WDR26: variants seen among roughly 807,000 people sequenced by gnomAD.
WDR26 encodes the protein WD repeat domain 26.
Under a neutral mutation model 84.1 loss-of-function variants are expected in WDR26, and 5 were observed. The observed-to-expected ratio is 0.06, with a 90% CI of 0.03 to 0.13. The LOEUF is 0.13. WDR26 is among the 10% of genes least tolerant of loss of function. The probability of loss-of-function intolerance (pLI) is 1.00; values close to 1 mark genes in which losing one functional copy is unlikely to be tolerated. For synonymous variants in WDR26, 415 were observed against 389.6 expected (o/e 1.07, Z -0.77); for missense variants, 642 against 974.9 (o/e 0.66, Z 4.55).
chr1:224,390,471 T>C (rs2102883233), intron 13 of WDR26, among the ~76,000 whole-genome samples: 1 of 152,294 alleles, frequency 6.6e-6, no homozygotes, highest in South Asian at 2.1e-4. Flanking sequence ...GCAGAATAGA[T>C]AAATTTTTAT....
chr1:224,391,743 G>A (rs546827587), intron 13 of WDR26, among the ~76,000 whole-genome samples: 14 of 151,984 alleles, frequency 9.2e-5, no homozygotes, highest in African/African-American at 2.4e-4. Context: ...TATATTTTTC[G>A]TAAGTTCTAT....
At chr1:224,401,671 C>CAAAAAAAAAAAAAAAAAGAAAAAAAAA (rs1673417301) in intron 8 of WDR26, among the ~76,000 whole-genome samples, 31 of 49,646 alleles carry the variant, frequency 6.2e-4, no homozygotes, top group East Asian at 1.1e-3. Flanking sequence ...GAGACTGTCT[C>CAAAAAAAAAAAAAAAAAGAAAAAAAAA]AAAAAAAAAA....
intron 5 of WDR26, 103 bp from the exon 6 acceptor site, chr1:224,418,519 T>C (rs547460318): frequency 4.5e-6 from 5 of 1,105,020 alleles, no homozygotes; most frequent in East Asian, 5.3e-5. Flanking sequence ...ACCCCAATAG[T>C]ATCTATTCCT....
chr1:224,397,937 G>A, intron 12 of WDR26, 160 bp downstream of exon 12: 1 of 811,980 alleles, frequency 1.2e-6, no homozygotes, highest in Non-Finnish European at 1.9e-6. Flanking sequence ...TGATAATACA[G>A]GGGCTTAGGT....
rs750016735 is a variant in WDR26, at chr1:224,385,563, G to A, written c.*4272C>T. ...TTATTACATACCAAAAGCTCTAAGT[G>A]TTAACTAGTTCCACCACAATGCCAT... On this transcript the variant is annotated 3_prime_UTR_variant, in exon 14 of 14. Transcript: ENST00000414423. 1 of 152,628 alleles carries A rather than the reference G, an allele frequency of 6.6e-6. No individual in the cohort carries two copies. The highest frequency in any genetic ancestry group is 1.5e-5 in the Non-Finnish European group (1 of 68,034). 9.5% of individuals were successfully genotyped at this position (152,628 alleles called of 1,614,324 possible). A position where few individuals can be genotyped will look rare whatever the true frequency, so the allele number is the denominator to read the frequency against.
At chr1:224,398,822 C>G (rs2102891432) in intron 10 of WDR26, 67 bp downstream of exon 10, 2 of 1,583,728 alleles carry the variant, frequency 1.3e-6, no homozygotes, top group Non-Finnish European at 1.7e-6. Flanking sequence ...TGTGAAAAGG[C>G]AAGTTCCACT....
intron 7 of WDR26, among the ~76,000 whole-genome samples, chr1:224,405,736 A>C (rs1160834912): frequency 6.6e-6 from 1 of 152,238 alleles, no homozygotes; most frequent in Non-Finnish European, 1.5e-5. Flanking sequence ...CCCATATTGT[A>C]TGCTATGCAA....
chr1:224,400,879 G>C (rs372222004), intron 9 of WDR26, 71 bp downstream of exon 9: 2 of 1,573,980 alleles, frequency 1.3e-6, no homozygotes, highest in African/African-American at 2.7e-5. Context: ...CTGAGTCAAG[G>C]AAATTGTTTA....
chr1:224,413,850 T>C (rs1247359424), intron 6 of WDR26, among the ~76,000 whole-genome samples: 1 of 152,152 alleles, frequency 6.6e-6, no homozygotes, highest in African/African-American at 2.4e-5. Context: ...CGCTCTGTTG[T>C]TCAGGATGGA....
At chr1:224,393,070 T>C (rs1320764388) in intron 13 of WDR26, among the ~76,000 whole-genome samples, 1 of 152,206 alleles carries the variant, frequency 6.6e-6, no homozygotes, top group African/African-American at 2.4e-5. Flanking sequence ...CATGTTCAAT[T>C]AAGTTTTTGG....
chr1:224,414,213 C>T (rs1673827267), intron 6 of WDR26, among the ~76,000 whole-genome samples: 1 of 151,670 alleles, frequency 6.6e-6, no homozygotes, highest in African/African-American at 2.4e-5. Flanking sequence ...TCAAGCAATT[C>T]TCCTGCTTCA....
intron 4 of WDR26, among the ~76,000 whole-genome samples, chr1:224,420,497 G>C (rs1287041269): frequency 2.0e-5 from 3 of 152,138 alleles, no homozygotes; most frequent in Admixed American, 2.0e-4. Context: ...GGGTAATGAG[G>C]ATTCTTGAAG....
chr1:224,397,536 C>G (rs971605628), intron 12 of WDR26, among the ~76,000 whole-genome samples: 12 of 152,154 alleles, frequency 7.9e-5, no homozygotes, highest in Non-Finnish European at 8.8e-5. Context: ...GATTAGAGAA[C>G]AAGTTTATTC....
At chr1:224,406,176 T>A (rs1452356601) in intron 7 of WDR26, among the ~76,000 whole-genome samples, 2 of 151,730 alleles carry the variant, frequency 1.3e-5, no homozygotes, top group Non-Finnish European at 2.9e-5. Context: ...CATAGGGAGA[T>A]CCCTGTTATA....
intron 1 of WDR26, among the ~76,000 whole-genome samples, chr1:224,432,514 T>A (rs1674421492): frequency 6.6e-6 from 1 of 152,256 alleles, no homozygotes; most frequent in South Asian, 2.1e-4. Context: ...CCCTCATGTA[T>A]TCTGGTATCT....
At chr1:224,404,817 T>C (rs1403773836) in intron 7 of WDR26, among the ~76,000 whole-genome samples, 3 of 152,182 alleles carry the variant, frequency 2.0e-5, no homozygotes, top group Non-Finnish European at 4.4e-5. Flanking sequence ...AATATAAAGA[T>C]ATATTAACAT....
Position 224,390,317 on chromosome 1 carries a change from G to A in WDR26, c.2261-457C>T, listed in dbSNP as rs1305392214. Among the ~76,000 whole-genome samples the A allele has an allele frequency of 3.3e-5, 5 of 152,180 alleles. No homozygotes were observed. In the East Asian group the frequency reaches 7.7e-4, roughly 24 times the overall value. On this transcript the variant is annotated intron_variant, in intron 13 of 13. Transcript: ENST00000414423. ...GTATTTTTTGTAGAGACAGGGTTTC[G>A]CCATGTTGCCCAGGCTGGTCTTGAA...
At chr1:224,421,687 T>C (rs1233575532) in intron 4 of WDR26, among the ~76,000 whole-genome samples, 1 of 152,168 alleles carries the variant, frequency 6.6e-6, no homozygotes, top group Non-Finnish European at 1.5e-5. Flanking sequence ...CCTAGCACTT[T>C]GGGAAGCCAA....
intron 6 of WDR26, chr1:224,413,208 C>A (rs10916612): frequency 0.96 from 622,974 of 650,842 alleles, 297,946 homozygotes; most frequent in East Asian, 0.98. Context: ...ACAACAAAAA[C>A]CCCCCCCCCC....
Sources: gnomAD v4.1 joint callset for allele counts (sites outside exome capture counted in the v4.1 genomes callset) on GRCh38, gnomAD v4.1.1 for gene constraint, MANE v1.5 for transcripts, NCBI Gene and HGNC (gene_info 2026-07-23, HGNC 2026-07-21) for gene names.